TSHR: variants seen among roughly 807,000 people sequenced by gnomAD.
The protein encoded by TSHR is thyrotropin receptor.
TSHR carries 51 observed loss-of-function variants against 64.1 expected under a neutral mutation model. That is an observed-to-expected ratio of 0.80 (90% CI 0.64 to 1.01). The LOEUF is 1.01. TSHR is among the 50% of genes least tolerant of loss of function. The probability of loss-of-function intolerance (pLI) is 0.00; values close to 1 mark genes in which losing one functional copy is unlikely to be tolerated. For missense variants in TSHR, 877 were observed against 942.8 expected (o/e 0.93, Z 0.91); for synonymous variants, 361 against 361.9 (o/e 1.00, Z 0.03).
intron 8 of TSHR, among the ~76,000 whole-genome samples, chr14:81,114,371 C>CAA (rs1890378953): frequency 6.6e-6 from 1 of 152,218 alleles, no homozygotes; most frequent in South Asian, 2.1e-4. Flanking sequence ...ACTCCAGAAG[C>CAA]GCAAGCGGTC....
intron 3 of TSHR, among the ~76,000 whole-genome samples, chr14:81,069,289 T>C (rs573756100): frequency 2.0e-5 from 3 of 152,304 alleles, no homozygotes; most frequent in South Asian, 2.1e-4. Flanking sequence ...ACAATCTTTA[T>C]ACCATAAATG....
At chr14:80,992,409 A>AAT (rs1268418519) in intron 1 of TSHR, 1 of 151,652 alleles carries the variant, frequency 6.6e-6, no homozygotes, top group African/African-American at 2.4e-5. Context: ...AAAAAAAAAA[A>AAT]AAAAAAAATA....
At chr14:81,096,466 T>C (rs1017938644) in intron 6 of TSHR, among the ~76,000 whole-genome samples, 173 bp from the exon 7 acceptor site, 2 of 152,234 alleles carry the variant, frequency 1.3e-5, no homozygotes, top group African/African-American at 4.8e-5. Context: ...TGAGAAATAT[T>C]ATCTTGTTTC....
intron 1 of TSHR, among the ~76,000 whole-genome samples, chr14:81,028,031 GA>G (rs1884159498): frequency 6.6e-6 from 1 of 152,072 alleles, no homozygotes; most frequent in Admixed American, 6.6e-5. Flanking sequence ...GAAGTAACTG[GA>G]CATATTCTAA....
chr14:81,042,226 A>T (rs1235299728), intron 1 of TSHR, among the ~76,000 whole-genome samples: 1 of 152,204 alleles, frequency 6.6e-6, no homozygotes, highest in Non-Finnish European at 1.5e-5. Context: ...GGAAAACAGT[A>T]TGAAGTTTCC....
chr14:81,134,442 G>A (rs868837814), intron 8 of TSHR, among the ~76,000 whole-genome samples: 2 of 151,630 alleles, frequency 1.3e-5, no homozygotes, highest in African/African-American at 4.9e-5. Flanking sequence ...AACCAAATAC[G>A]CTGTTTTTAA....
At chr14:81,025,368 A>T (rs762872807) in intron 1 of TSHR, among the ~76,000 whole-genome samples, 3 of 152,174 alleles carry the variant, frequency 2.0e-5, no homozygotes, top group Admixed American at 6.6e-5. Flanking sequence ...TTTATTTTTT[A>T]AAATTGTATA....
chr14:81,068,559 C>G (rs940832121), intron 3 of TSHR: 4 of 506,430 alleles, frequency 7.9e-6, no homozygotes, highest in Non-Finnish European at 1.4e-5. Context: ...GTTCTTGAAC[C>G]ACTATCTGTT....
At chr14:81,105,267 G>A in intron 7 of TSHR, 1 of 978,462 alleles carries the variant, frequency 1.0e-6, no homozygotes, top group Non-Finnish European at 1.2e-6. Context: ...GATAAATGAG[G>A]TTGATGGAAG....
intron 1 of TSHR, among the ~76,000 whole-genome samples, chr14:81,024,238 G>T (rs1465165415): frequency 6.7e-6 from 1 of 150,154 alleles, no homozygotes; most frequent in East Asian, 2.0e-4. Flanking sequence ...TTTAGGCATG[G>T]TTTTTTTTTG....
At chr14:81,043,215 A>G (rs190684820) in intron 1 of TSHR, among the ~76,000 whole-genome samples, 5 of 152,310 alleles carry the variant, frequency 3.3e-5, no homozygotes, top group Admixed American at 1.3e-4. Context: ...AAGCTTCTTA[A>G]GCTGATAAGC....
intron 1 of TSHR, among the ~76,000 whole-genome samples, chr14:81,016,293 C>T (rs1473879817): frequency 6.6e-6 from 1 of 152,156 alleles, no homozygotes; most frequent in Non-Finnish European, 1.5e-5. Flanking sequence ...TTTATCTCGT[C>T]TTTGTGTTGA....
At chr14:81,073,885 T>G (rs1308594486) in intron 3 of TSHR, among the ~76,000 whole-genome samples, 2 of 152,164 alleles carry the variant, frequency 1.3e-5, no homozygotes, top group Non-Finnish European at 2.9e-5. Flanking sequence ...AAACCAAATC[T>G]TCTGACTCCA....
At chr14:80,982,083 G>T in intron 1 of TSHR, 1 of 513,668 alleles carries the variant, frequency 1.9e-6, no homozygotes, top group Non-Finnish European at 3.7e-6. Flanking sequence ...GGCTACGGGT[G>T]TGGTTAGGCC....
intron 7 of TSHR, among the ~76,000 whole-genome samples, chr14:81,105,516 A>G (rs1293029313): frequency 6.6e-6 from 1 of 152,176 alleles, no homozygotes; most frequent in Non-Finnish European, 1.5e-5. Flanking sequence ...GTGTCAGTTC[A>G]TCTCCGTTCA....
intron 3 of TSHR, among the ~76,000 whole-genome samples, chr14:81,079,715 G>A (rs1322733455): frequency 2.6e-5 from 4 of 151,992 alleles, no homozygotes; most frequent in African/African-American, 9.7e-5. Context: ...AATTAGCTGG[G>A]CACAATGGCA....
chr14:81,088,181 T>A (rs888272371), intron 4 of TSHR, among the ~76,000 whole-genome samples, 153 bp downstream of exon 4: 3 of 152,148 alleles, frequency 2.0e-5, no homozygotes, highest in Admixed American at 6.5e-5. Flanking sequence ...GGTGAAATGA[T>A]CCACATTTTT....
In TSHR at chr14:81,030,799, A is replaced by C. The variant is rs747351682; in HGVS notation, c.171-31349A>C. Among the ~76,000 whole-genome samples the C allele has an allele frequency of 5.3e-5, 8 of 152,234 alleles. 1 individual carries two copies. Among genetic ancestry groups the C allele is most frequent in the Middle Eastern group, 6.8e-3 (2 of 294 alleles). The stretch of plus-strand genomic sequence containing the variant: ...TAATTGAGAGGATTGTCAGGAGAAA[A>C]TATGTATGTGGCTTTATTTTTATTT... On this transcript the variant is annotated intron_variant, in intron 1 of 9. Transcript: ENST00000298171.
At chr14:81,130,373 C>A (rs750661817) in intron 8 of TSHR, among the ~76,000 whole-genome samples, 1 of 152,152 alleles carries the variant, frequency 6.6e-6, no homozygotes. Flanking sequence ...CCAATTAGTA[C>A]TTATTTCAGA....
Sources: gnomAD v4.1 joint callset for allele counts (sites outside exome capture counted in the v4.1 genomes callset) on GRCh38, gnomAD v4.1.1 for gene constraint, MANE v1.5 for transcripts, NCBI Gene and HGNC (gene_info 2026-07-23, HGNC 2026-07-21) for gene names.